The following CPNE4 variants were observed in gnomAD, a reference collection of about 807,000 sequenced individuals.
CPNE4 encodes copine-4.
CPNE4 carries 25 observed loss-of-function variants against 67.9 expected under a neutral mutation model. The observed-to-expected ratio is 0.37, with a 90% CI of 0.27 to 0.51. The LOEUF is 0.51. Ranked by LOEUF, CPNE4 falls within the 20% of genes least tolerant of loss-of-function variation. CPNE4 has a pLI of 0.93. For missense variants in CPNE4, 464 were observed against 690.8 expected (o/e 0.67, Z 3.68); for synonymous variants, 242 against 244.9 (o/e 0.99, Z 0.11).
chr3:131,553,980 C>T (rs1559887096), intron 12 of CPNE4, among the ~76,000 whole-genome samples: 1 of 151,962 alleles, frequency 6.6e-6, no homozygotes, highest in Non-Finnish European at 1.5e-5. Context: ...ATCAAGTGAA[C>T]AAGAGGACTT....
chr3:131,985,697 A>G (rs2073025128), intron 1 of CPNE4, among the ~76,000 whole-genome samples: 2 of 152,190 alleles, frequency 1.3e-5, no homozygotes, highest in South Asian at 4.1e-4. Flanking sequence ...GTGGAATTCA[A>G]TGACCAATTG....
At chr3:131,961,246 T>C (rs886341458) in intron 1 of CPNE4, among the ~76,000 whole-genome samples, 2 of 151,356 alleles carry the variant, frequency 1.3e-5, no homozygotes, top group African/African-American at 4.9e-5. Context: ...AGAAATCATT[T>C]CCTTAAATGT....
chr3:131,806,847 C>A (rs1238424048), intron 2 of CPNE4, among the ~76,000 whole-genome samples: 2 of 152,146 alleles, frequency 1.3e-5, no homozygotes, highest in African/African-American at 4.8e-5. Context: ...GGATTTGTTT[C>A]GAAAAACCTA....
intron 5 of CPNE4, among the ~76,000 whole-genome samples, chr3:131,687,590 A>G (rs1233277159): frequency 1.3e-5 from 2 of 152,222 alleles, no homozygotes; most frequent in African/African-American, 4.8e-5. Flanking sequence ...TAAGCAAGCC[A>G]GAGTCAAACT....
intron 2 of CPNE4, among the ~76,000 whole-genome samples, chr3:131,868,401 A>G (rs182116370): frequency 6.6e-6 from 1 of 152,308 alleles, no homozygotes; most frequent in Admixed American, 6.5e-5. Context: ...GAGCTCATGT[A>G]GATCTTGAAC....
chr3:131,978,088 AAT>A lies in CPNE4; in HGVS notation c.-2+56477_-2+56478del, dbSNP rs1336301077. Among the ~76,000 whole-genome samples the A allele has an allele frequency of 9.8e-4, 26 of 26,514 alleles. 2 individuals carry two copies. The East Asian group carries it at 0.015, about 15-fold the overall frequency. 17.4% of individuals were successfully genotyped at this position (26,514 alleles called of 152,430 possible). The stretch of plus-strand genomic sequence containing the variant: ...ATATAAATATATATAAATATATATA[AAT>A]ATATATATAAATATATATAAAATAT... On this transcript the variant is annotated intron_variant, in intron 1 of 15. Coordinates refer to ENST00000429747, the MANE Select transcript of CPNE4 (RefSeq NM_130808.3).
chr3:131,859,311 G>A lies in CPNE4; in HGVS notation c.180+45953C>T, dbSNP rs138161606. On this transcript the variant is annotated intron_variant, in intron 2 of 15. Coordinates refer to ENST00000429747, the MANE Select transcript of CPNE4 (RefSeq NM_130808.3). ...CCAAGATAGCCAGCCACAAATCCTG[G>A]CTGGGCTCCTTATCTTGTTCTTATG... Among the ~76,000 whole-genome samples the A allele has an allele frequency of 2.9e-3, 436 of 152,188 alleles. 1 individual carries two copies. The highest frequency in any genetic ancestry group is 9.8e-3 in the African/African-American group (406 of 41,548).
intron 2 of CPNE4, among the ~76,000 whole-genome samples, chr3:131,822,491 A>C (rs912141016): frequency 3.3e-5 from 5 of 152,206 alleles, no homozygotes; most frequent in African/African-American, 1.2e-4. Flanking sequence ...TTCAGATTTC[A>C]TTAATTTAAC....
chr3:131,719,418 A>G (rs923367888), intron 3 of CPNE4, among the ~76,000 whole-genome samples: 2 of 152,224 alleles, frequency 1.3e-5, no homozygotes, highest in African/African-American at 4.8e-5. Flanking sequence ...TTTCAAAAGT[A>G]CCAAAAACGT....
At chr3:131,591,736 A>C (rs1044441630) in intron 7 of CPNE4, among the ~76,000 whole-genome samples, 1 of 152,228 alleles carries the variant, frequency 6.6e-6, no homozygotes, top group Non-Finnish European at 1.5e-5. Context: ...AGAAAGACAC[A>C]GTGAAACAGA....
intron 1 of CPNE4, among the ~76,000 whole-genome samples, chr3:131,946,463 TTG>T (rs923839934): frequency 4.9e-4 from 74 of 152,270 alleles, no homozygotes; most frequent in African/African-American, 1.7e-3. Context: ...CTTTTGGCTA[TTG>T]TGAATAGTGC....
chr3:131,885,591 GC>G (rs2087851220), intron 2 of CPNE4, among the ~76,000 whole-genome samples: 1 of 151,468 alleles, frequency 6.6e-6, no homozygotes. Context: ...TGCACATTGT[GC>G]AGGTTAGTTA....
At chr3:131,751,658 C>A (rs1018700552) in intron 2 of CPNE4, among the ~76,000 whole-genome samples, 1 of 151,928 alleles carries the variant, frequency 6.6e-6, no homozygotes, top group Admixed American at 6.6e-5. Flanking sequence ...TGTCTTTTCT[C>A]ATTTGGTTTG....
chr3:131,683,565 G>A (rs571825773), intron 6 of CPNE4, among the ~76,000 whole-genome samples: 1 of 152,118 alleles, frequency 6.6e-6, no homozygotes, highest in South Asian at 2.1e-4. Flanking sequence ...GTGTCTCCTG[G>A]AGCCGTGTGC....
At chr3:131,601,246 T>C (rs139488129) in intron 7 of CPNE4, among the ~76,000 whole-genome samples, 3 of 152,354 alleles carry the variant, frequency 2.0e-5, no homozygotes, top group African/African-American at 7.2e-5. Context: ...TGCCAGGTCA[T>C]TGCAAGGATT....
chr3:131,810,468 C>T (rs989656326), intron 2 of CPNE4, among the ~76,000 whole-genome samples: 1 of 151,796 alleles, frequency 6.6e-6, no homozygotes, highest in Non-Finnish European at 1.5e-5. Context: ...AAATCAAAAC[C>T]ACAAAGAGAT....
intron 1 of CPNE4, among the ~76,000 whole-genome samples, chr3:131,996,243 G>T (rs1237913973): frequency 3.3e-5 from 5 of 152,134 alleles, no homozygotes; most frequent in African/African-American, 7.2e-5. Context: ...GAGAGCAAAA[G>T]GTTGGATGCC....
chr3:131,848,480 C>G (rs540898428), intron 2 of CPNE4, among the ~76,000 whole-genome samples: 1 of 151,926 alleles, frequency 6.6e-6, no homozygotes, highest in East Asian at 1.9e-4. Context: ...GCAAAAATGA[C>G]AAAACAAAGA....
At chr3:131,933,629 C>A (rs547469734) in intron 1 of CPNE4, among the ~76,000 whole-genome samples, 2 of 151,986 alleles carry the variant, frequency 1.3e-5, no homozygotes, top group South Asian at 4.1e-4. Context: ...ATTAATTAAG[C>A]TAGGTGTTCA....
Sources: gnomAD v4.1 joint callset for allele counts (sites outside exome capture counted in the v4.1 genomes callset) on GRCh38, gnomAD v4.1.1 for gene constraint, MANE v1.5 for transcripts, NCBI Gene and HGNC (gene_info 2026-07-23, HGNC 2026-07-21) for gene names.